Variants in PRDM1 observed in about 807,000 individuals in gnomAD.
PRDM1 encodes the protein PR/SET domain 1, also known as PR domain zinc finger protein 1.
Under a neutral mutation model 62.8 loss-of-function variants are expected in PRDM1, and 13 were observed. The observed-to-expected ratio is 0.21, with a 90% confidence interval of 0.13 to 0.33. The LOEUF (loss-of-function observed/expected upper bound fraction) is 0.33, where lower values mean the gene tolerates loss of function less well. PRDM1 is among the 10% of genes least tolerant of loss of function. PRDM1 has a pLI of 1.00. For missense variants in PRDM1, 895 were observed against 1,058.8 expected (o/e 0.85, Z 2.15); for synonymous variants, 396 against 417.6 (o/e 0.95, Z 0.63).
chr6:106,105,961 G>C lies in PRDM1; in HGVS notation c.1773+28G>C, dbSNP rs765022009. 3.1e-6 allele frequency: 5 copies of C among 1,589,928 alleles called. No homozygotes were observed. The East Asian group carries it at 1.1e-4, about 36-fold the overall frequency. On this transcript the variant is annotated intron_variant, in intron 5 of 6. Transcript: ENST00000369096. ...AGGCCTTGAGAGAGAGCAGTCCAAG[G>C]GGCTGTGAGTGCATGCTTGTGTTTG... is the stretch of plus-strand genomic sequence containing the variant.
intron 1 of PRDM1, among the ~76,000 whole-genome samples, chr6:106,025,628 A>G (rs926397428): frequency 6.6e-6 from 1 of 152,202 alleles, no homozygotes; most frequent in South Asian, 2.1e-4. Flanking sequence ...ATTAAGTGAG[A>G]GGAGGGATAT....
Position 106,105,374 on chromosome 6 carries a change from C to T in PRDM1, c.1214C>T (p.Ser405Leu), listed in dbSNP as rs1415765117. The T allele has an allele frequency of 3.1e-6, 5 of 1,614,032 alleles. No homozygotes were observed. The highest frequency in any genetic ancestry group is 2.2e-5 in the East Asian group (1 of 44,878). The change falls in exon 5 of 7, where the codon TCG becomes TTG. Residue 405 changes from serine (S) to leucine (L), a missense_variant. Physicochemically the swap from Ser to Leu is moderately radical, Grantham distance 145. Around this residue, in one of 4 missense-constraint regions of PRDM1, gnomAD observed 444 missense variants for 422.7 expected, o/e 1.05. Transcript: ENST00000369096. ...LPHLPPAFIP[S>L]YNAHYPKFLL... is the part of the protein sequence containing the mutation. ...CACCTCCCGCCAGCTTTCATCCCCT[C>T]GTACAACGCTCACTACCCCAAGTTC... is the stretch of plus-strand genomic sequence containing the variant.
chr6:106,022,479 A>G (rs1772707132), intron 1 of PRDM1, among the ~76,000 whole-genome samples: 1 of 144,674 alleles, frequency 6.9e-6, no homozygotes, highest in African/African-American at 2.6e-5. Flanking sequence ...CCCAGGCTGT[A>G]GTGCAATGGC....
chr6:106,013,628 G>A (rs1772583833), intron 1 of PRDM1, among the ~76,000 whole-genome samples: 1 of 152,054 alleles, frequency 6.6e-6, no homozygotes, highest in African/African-American at 2.4e-5. Context: ...ATGCCCAGCC[G>A]ACCTTTTCTT....
intron 1 of PRDM1, among the ~76,000 whole-genome samples, chr6:106,010,817 C>T (rs1042088772): frequency 1.3e-5 from 2 of 152,128 alleles, no homozygotes; most frequent in African/African-American, 2.4e-5. Context: ...CTGCATGGGG[C>T]GATGACCTCG....
chr6:106,084,353 A>C (rs1280520944), upstream of PRDM1, among the ~76,000 whole-genome samples: 1 of 152,194 alleles, frequency 6.6e-6, no homozygotes, highest in Non-Finnish European at 1.5e-5. Flanking sequence ...CCCTAGACTC[A>C]AGCCCATTTC....
chr6:106,004,658 AT>A (rs939930662), intron 1 of PRDM1, among the ~76,000 whole-genome samples: 5 of 152,032 alleles, frequency 3.3e-5, no homozygotes, highest in Non-Finnish European at 7.4e-5. Context: ...ATATGGATTA[AT>A]TTTTTTTGAG....
chr6:106,029,205 C>T (rs1368988245), intron 1 of PRDM1, among the ~76,000 whole-genome samples: 2 of 152,192 alleles, frequency 1.3e-5, no homozygotes, highest in African/African-American at 4.8e-5. Context: ...AGGCATGAGC[C>T]ACTGCACCCG....
chr6:106,011,119 G>A (rs1772540359), intron 1 of PRDM1, among the ~76,000 whole-genome samples: 1 of 151,882 alleles, frequency 6.6e-6, no homozygotes, highest in Admixed American at 6.6e-5. Context: ...TTTTATCTTG[G>A]GGTAGTTTTC....
chr6:106,035,876 A>G (rs1772919239), intron 1 of PRDM1, among the ~76,000 whole-genome samples: 1 of 152,128 alleles, frequency 6.6e-6, no homozygotes, highest in East Asian at 1.9e-4. Flanking sequence ...TAAAGTAATT[A>G]CTGATGAAGT....
intron 1 of PRDM1, among the ~76,000 whole-genome samples, chr6:106,041,660 G>A (rs1192027007): frequency 1.3e-5 from 2 of 152,056 alleles, no homozygotes; most frequent in African/African-American, 4.8e-5. Context: ...TTAAAATTCA[G>A]AGAACTGAAC....
intron 3 of PRDM1, among the ~76,000 whole-genome samples, chr6:106,097,785 G>A (rs886898542): frequency 1.3e-5 from 2 of 152,166 alleles, no homozygotes; most frequent in Non-Finnish European, 2.9e-5. Context: ...AGCAGTTTCC[G>A]CACCAGCGAA....
rs1774497344 is a variant in PRDM1, at chr6:106,106,560, T to TC, written c.1902+64dup. 2 of 1,601,622 alleles carry TC rather than the reference T, an allele frequency of 1.2e-6. No individual in the cohort carries two copies. The highest frequency in any genetic ancestry group is 1.7e-6 in the Non-Finnish European group (2 of 1,173,616). Reference sequence around the variant, plus strand: ...TGTAGAAAATGTCTGTGAGTCACCCTCCCATGTCCTATATAGCCCGTAGTT... The same window carrying TC: ...TGTAGAAAATGTCTGTGAGTCACCCTCCCCATGTCCTATATAGCCCGTAGTT... On this transcript the variant is annotated intron_variant, in intron 6 of 6. Transcript: ENST00000369096. This position sits in a 1 kb window ranked among gnomAD's most constrained non-coding sequence, Gnocchi z 4.4.
At chr6:106,011,991 C>T in intron 1 of PRDM1, among the ~76,000 whole-genome samples, 1 of 149,436 alleles carries the variant, frequency 6.7e-6, no homozygotes, top group Non-Finnish European at 1.5e-5. Flanking sequence ...ACACACACCA[C>T]ACTCCTCCAC....
Position 106,108,253 on chromosome 6 carries a change from C to T in PRDM1, c.*767C>T, listed in dbSNP as rs866502482. ...GTTTTTCCCCCAGCCACAATTTTAC[C>T]GGAAGGGTGACAGGAAGGCTTTACC... On this transcript the variant is annotated 3_prime_UTR_variant, in exon 7 of 7. Transcript: ENST00000369096. The T allele has an allele frequency of 2.1e-5, 5 of 233,454 alleles. No individual in the cohort carries two copies. Among genetic ancestry groups the T allele is most frequent in the Admixed American group, 5.6e-5 (1 of 17,762 alleles). 14.5% of individuals were successfully genotyped at this position (233,454 alleles called of 1,614,324 possible).
At chr6:106,088,180 G>A (rs762451528) in intron 1 of PRDM1, 21 bp from the exon 2 acceptor site, 5 of 1,570,004 alleles carry the variant, frequency 3.2e-6, no homozygotes, top group Middle Eastern at 1.9e-4. Context: ...GGGGATTAAA[G>A]GCCTTTCCTT....
intron 1 of PRDM1, among the ~76,000 whole-genome samples, chr6:106,078,595 G>A (rs371738850): frequency 3.3e-5 from 5 of 152,228 alleles, no homozygotes; most frequent in South Asian, 4.1e-4. Flanking sequence ...AGCATGGCTG[G>A]GCGCAGTGGC....
chr6:106,025,324 A>G (rs188909030), intron 1 of PRDM1, among the ~76,000 whole-genome samples: 13 of 152,386 alleles, frequency 8.5e-5, no homozygotes, highest in Admixed American at 7.2e-4. Flanking sequence ...CGTTTATGCC[A>G]TATGCTTGAC....
At chr6:106,088,165 A>T in intron 1 of PRDM1, 36 bp from the exon 2 acceptor site, 1 of 1,550,074 alleles carries the variant, frequency 6.5e-7, no homozygotes, top group Non-Finnish European at 8.7e-7. Flanking sequence ...GAACGGCGGG[A>T]CAATGGGGAT....
Sources: allele counts gnomAD v4.1 joint callset (sites outside exome capture counted in the v4.1 genomes callset), GRCh38; gene constraint gnomAD v4.1.1; regional missense constraint gnomAD v4.1.1; non-coding constraint Gnocchi (gnomAD v3.1); transcripts MANE v1.5; gene names NCBI Gene and HGNC (gene_info 2026-07-23, HGNC 2026-07-21).